Variants in MET observed in about 807,000 individuals in gnomAD.
MET encodes hepatocyte growth factor receptor.
MET carries 48 observed loss-of-function variants against 133.1 expected under a neutral mutation model. The ratio of observed to expected loss-of-function variants is 0.36; its 90% CI spans 0.29 to 0.46. The LOEUF is 0.46. MET is among the 20% of genes least tolerant of loss of function. MET has a pLI of 1.00. For missense variants in MET, 1,442 were observed against 1,695.9 expected (o/e 0.85, Z 2.63); for synonymous variants, 628 against 616.5 (o/e 1.02, Z -0.28).
chr7:116,792,502 C>CACACACACACA (rs1795540633), intron 19 of MET, among the ~76,000 whole-genome samples: 6 of 132,382 alleles, frequency 4.5e-5, no homozygotes, highest in East Asian at 2.4e-4. Flanking sequence ...CACACACACA[C>CACACACACACA]CAGCTTCTCT....
At chr7:116,748,426 A>G (rs969183806) in intron 5 of MET, among the ~76,000 whole-genome samples, 1 of 152,238 alleles carries the variant, frequency 6.6e-6, no homozygotes, top group Non-Finnish European at 1.5e-5. Flanking sequence ...ACCAATAAGA[A>G]CAAAGACAAA....
At chr7:116,692,661 T>C (rs1162562378) in intron 1 of MET, among the ~76,000 whole-genome samples, 3 of 152,200 alleles carry the variant, frequency 2.0e-5, no homozygotes, top group Non-Finnish European at 2.9e-5. Context: ...TAACTATTAA[T>C]AACAGCCATC....
rs76731671 is a variant in MET, at chr7:116,769,896, T to C, written c.2730+105T>C. On this transcript the variant is annotated intron_variant, in intron 12 of 20. Transcript: ENST00000397752. ...TTAAAGCTCATTTATGTGTGGGTTT[T>C]GGCTCATCAACTCAGCCTGCATTCC... 0.029 allele frequency: 44,137 copies of C among 1,520,090 alleles called. 697 individuals carry two copies. Among genetic ancestry groups the C allele is most frequent in the Non-Finnish European group, 0.034 (37,464 of 1,104,996 alleles). 94.2% of individuals were successfully genotyped at this position (1,520,090 alleles called of 1,614,324 possible).
intron 1 of MET, among the ~76,000 whole-genome samples, chr7:116,680,082 G>C (rs920326927): frequency 6.6e-6 from 1 of 152,040 alleles, no homozygotes; most frequent in African/African-American, 2.4e-5. Flanking sequence ...ATATCTTGAG[G>C]GGGCGGGGGG....
chr7:116,789,332 T>C (rs1490503554), intron 19 of MET, among the ~76,000 whole-genome samples: 1 of 152,194 alleles, frequency 6.6e-6, no homozygotes, highest in Non-Finnish European at 1.5e-5. Flanking sequence ...TGTCACAAAT[T>C]TACCATGTTC....
chr7:116,679,758 A>G (rs1337357109), intron 1 of MET, among the ~76,000 whole-genome samples: 1 of 152,128 alleles, frequency 6.6e-6, no homozygotes, highest in South Asian at 2.1e-4. Context: ...TCGGGGGAAA[A>G]CACCTTCTTG....
chr7:116,733,685 A>T (rs1274645069), intron 3 of MET, among the ~76,000 whole-genome samples: 4 of 152,214 alleles, frequency 2.6e-5, no homozygotes, highest in Non-Finnish European at 5.9e-5. Context: ...AGGTAAAAAA[A>T]ATGCTTATTT....
intron 1 of MET, among the ~76,000 whole-genome samples, chr7:116,681,629 G>A (rs1025200724): frequency 1.9e-4 from 29 of 152,124 alleles, no homozygotes; most frequent in African/African-American, 6.8e-4. Flanking sequence ...TTCTATCAAG[G>A]CCTGCCTTCA....
At chr7:116,715,086 G>A (rs1283891978) in intron 2 of MET, among the ~76,000 whole-genome samples, 1 of 152,152 alleles carries the variant, frequency 6.6e-6, no homozygotes, top group Non-Finnish European at 1.5e-5. Flanking sequence ...TAACTGTTTA[G>A]TTGCACAAGG....
chr7:116,692,355 G>A lies in MET; in HGVS notation c.-14-6716G>A, dbSNP rs533382063. ...AAGAAAGCAAAATTACCTATGTCAC[G>A]GTTTAGAAAGTCTCTCTCTTAAGAA... On this transcript the variant is annotated intron_variant, in intron 1 of 20. Transcript: ENST00000397752. 1.3e-3 allele frequency among the ~76,000 whole-genome samples: 203 copies of A among 152,258 alleles called. 1 individual carries two copies. Among genetic ancestry groups the A allele is most frequent in the African/African-American group, 4.6e-3 (191 of 41,540 alleles).
Position 116,672,442 on chromosome 7 carries a change from C to A in MET, c.-150C>A. 2.5e-6 allele frequency: 1 copy of A among 396,876 alleles called. No individual in the cohort carries two copies. The highest frequency in any genetic ancestry group is 4.4e-6 in the Non-Finnish European group (1 of 224,982). 24.6% of individuals were successfully genotyped at this position (396,876 alleles called of 1,614,324 possible). On this transcript the variant is annotated 5_prime_UTR_variant, in exon 1 of 21. Transcript: ENST00000397752. ...CGCGGCGCCCCGAGCGCTTTGTGAG[C>A]AGATGCGGAGCCGAGTGGAGGGCGC...
Position 116,759,342 on chromosome 7 carries a change from G to T in MET, c.2265-49G>T, listed in dbSNP as rs1196543273. 5 of 1,590,344 alleles carry T rather than the reference G, an allele frequency of 3.1e-6. No homozygotes were observed. The highest frequency in any genetic ancestry group is 3.4e-6 in the Non-Finnish European group (4 of 1,166,456). ...ATTGAATCCCTCTCTTACAGTACTT[G>T]GTGGAAAGAACCTCTCAACATTGTC... On this transcript the variant is annotated intron_variant, in intron 9 of 20. Coordinates refer to ENST00000397752, the MANE Select transcript of MET (RefSeq NM_000245.4).
intron 1 of MET, among the ~76,000 whole-genome samples, chr7:116,696,456 C>G (rs1190345221): frequency 1.3e-5 from 2 of 152,144 alleles, no homozygotes; most frequent in Non-Finnish European, 2.9e-5. Flanking sequence ...CACCCATTCC[C>G]TCAATTTAAC....
At chr7:116,722,249 C>G (rs1792522044) in intron 2 of MET, among the ~76,000 whole-genome samples, 1 of 150,312 alleles carries the variant, frequency 6.7e-6, no homozygotes, top group Admixed American at 6.6e-5. Flanking sequence ...ATGGCCTTGT[C>G]TCTTTTGATC....
intron 10 of MET, among the ~76,000 whole-genome samples, chr7:116,759,975 C>T (rs943044931): frequency 6.6e-6 from 1 of 152,136 alleles, no homozygotes; most frequent in African/African-American, 2.4e-5. Context: ...CGAGGTTTCA[C>T]CATGTTGGCC....
chr7:116,717,647 A>G (rs974527087), intron 2 of MET, among the ~76,000 whole-genome samples: 1 of 152,236 alleles, frequency 6.6e-6, no homozygotes, highest in Non-Finnish European at 1.5e-5. Flanking sequence ...AAGGTGATAC[A>G]AGTGAACTGG....
At chr7:116,786,366 G>C (rs1402788042) in intron 19 of MET, among the ~76,000 whole-genome samples, 1 of 152,184 alleles carries the variant, frequency 6.6e-6, no homozygotes, top group African/African-American at 2.4e-5. Flanking sequence ...TCCATAGCAG[G>C]GGTCAAGGCT....
At chr7:116,787,291 A>C (rs1386637354) in intron 19 of MET, among the ~76,000 whole-genome samples, 1 of 152,206 alleles carries the variant, frequency 6.6e-6, no homozygotes, top group Non-Finnish European at 1.5e-5. Flanking sequence ...GTTCATTCAG[A>C]CTTGAGGGTT....
chr7:116,745,874 G>T (rs1344737127), intron 5 of MET, among the ~76,000 whole-genome samples: 5 of 152,168 alleles, frequency 3.3e-5, no homozygotes, highest in Admixed American at 3.3e-4. Flanking sequence ...GCGTGGGCAA[G>T]GACTTCATGT....
Sources: allele counts gnomAD v4.1 joint callset (sites outside exome capture counted in the v4.1 genomes callset), GRCh38; gene constraint gnomAD v4.1.1; transcripts MANE v1.5; gene names NCBI Gene and HGNC (gene_info 2026-07-23, HGNC 2026-07-21).